CNIH3: variants seen among roughly 807,000 people sequenced by gnomAD.
The protein encoded by CNIH3 is protein cornichon homolog 3.
A neutral mutation model predicts 24.1 loss-of-function variants in CNIH3; 14 were observed. That is an observed-to-expected ratio of 0.58 (90% confidence interval 0.38 to 0.91). The LOEUF (loss-of-function observed/expected upper bound fraction) is 0.91. Ranked by LOEUF, CNIH3 falls within the 40% of genes least tolerant of loss-of-function variation. CNIH3 has a pLI of 0.00. For missense variants in CNIH3, 178 were observed against 196.8 expected (o/e 0.90, Z 0.57); for synonymous variants, 68 against 73.8 (o/e 0.92, Z 0.40).
At chr1:224,614,252 C>A (rs968095239), upstream of CNIH3, among the ~76,000 whole-genome samples, 3 of 152,210 alleles carry the variant, frequency 2.0e-5, no homozygotes, top group South Asian at 4.1e-4. Flanking sequence ...CTTGGCCCTC[C>A]AAAGTATGTA....
chr1:224,596,062 T>A (rs139373853), intron 3 of CNIH3, among the ~76,000 whole-genome samples: 5,548 of 152,278 alleles, frequency 0.036, 323 homozygotes, highest in African/African-American at 0.13. Flanking sequence ...TTGATGAAGG[T>A]GGCTACACTA....
chr1:224,441,621 A>G (rs142867314), intron 1 of CNIH3, among the ~76,000 whole-genome samples: 91 of 152,360 alleles, frequency 6.0e-4, no homozygotes, highest in African/African-American at 2.1e-3. Flanking sequence ...TTAACAACAA[A>G]TTCTAATTAT....
intron 3 of CNIH3, 101 bp from the exon 4 acceptor site, chr1:224,730,361 C>T (rs1450276965): frequency 2.6e-5 from 19 of 717,116 alleles, no homozygotes; most frequent in Non-Finnish European, 3.7e-5. Flanking sequence ...TTGTGTCAAC[C>T]GTCTGTGAGA....
intron 1 of CNIH3, among the ~76,000 whole-genome samples, chr1:224,440,164 G>A (rs1174963997): frequency 6.6e-6 from 1 of 152,200 alleles, no homozygotes; most frequent in Non-Finnish European, 1.5e-5. Context: ...CTCATGGTCC[G>A]CCTGCCTCGG....
At chr1:224,588,488 T>C (rs990913581) in exon 6 of CNIH3, 1 of 152,062 alleles carries the variant, frequency 6.6e-6, no homozygotes, top group Admixed American at 6.6e-5. Context: ...TTAAGATCTT[T>C]CCAAGCACAA....
At chr1:224,494,124 G>A (rs1438418313) in intron 1 of CNIH3, among the ~76,000 whole-genome samples, 2 of 152,202 alleles carry the variant, frequency 1.3e-5, no homozygotes. Context: ...ACAGATGTCA[G>A]GTCAAAAGCT....
chr1:224,541,884 T>C (rs1421873416), downstream of CNIH3, among the ~76,000 whole-genome samples: 3 of 152,358 alleles, frequency 2.0e-5, no homozygotes, highest in South Asian at 2.1e-4. Context: ...TCTCACTCTT[T>C]GTAAGCATCA....
intron 1 of CNIH3, among the ~76,000 whole-genome samples, chr1:224,650,024 A>G (rs781499899): frequency 6.6e-6 from 1 of 152,172 alleles, no homozygotes; most frequent in Non-Finnish European, 1.5e-5. Flanking sequence ...GCTTTCAGGG[A>G]TGGTAGGTGT....
chr1:224,494,170 G>A (rs1304263849), intron 1 of CNIH3, among the ~76,000 whole-genome samples: 2 of 152,218 alleles, frequency 1.3e-5, no homozygotes, highest in Non-Finnish European at 2.9e-5. Flanking sequence ...TATCAGCAGT[G>A]TTGGTATTTC....
At chr1:224,499,742 C>T (rs938229653) in intron 1 of CNIH3, among the ~76,000 whole-genome samples, 3 of 151,816 alleles carry the variant, frequency 2.0e-5, no homozygotes, top group Admixed American at 6.6e-5. Context: ...CAATACACGC[C>T]GTTATTTGCT....
Position 224,519,769 on chromosome 1 carries a change from T to A in CNIH3, n.16-1231T>A, listed in dbSNP as rs1254357236. 2.0e-5 allele frequency among the ~76,000 whole-genome samples: 3 copies of A among 151,646 alleles called. No homozygotes were observed. The East Asian group carries it at 5.8e-4, about 29-fold the overall frequency. ...TTATATATATTATTTAATATGTATC[T>A]CCTGTTGGTTCTGTTTCTTGGGAGA... On this transcript the variant is annotated intron_variant and non_coding_transcript_variant, in intron 1 of 2. Transcript: ENST00000470602.
At chr1:224,579,187 A>C (rs1207311037) in intron 4 of CNIH3, among the ~76,000 whole-genome samples, 1 of 151,522 alleles carries the variant, frequency 6.6e-6, no homozygotes, top group Non-Finnish European at 1.5e-5. Context: ...AATTTCTAAG[A>C]ACGCCATTTT....
rs1682492381 is a variant in CNIH3, at chr1:224,607,726, C to T, written n.402+41462C>T. ...CAGAACTGCTTTAGGGTAAAAGTCT[C>T]GGGGCCTACAAGGAGTTTCCTCCTG... On this transcript the variant is annotated intron_variant and non_coding_transcript_variant, in intron 3 of 7. Transcript: ENST00000478120. 2.0e-5 allele frequency among the ~76,000 whole-genome samples: 3 copies of T among 152,036 alleles called. No homozygotes were observed. The South Asian group carries it at 6.2e-4, about 32-fold the overall frequency.
At chr1:224,509,505 C>T (rs1335789344) in intron 1 of CNIH3, among the ~76,000 whole-genome samples, 1 of 152,188 alleles carries the variant, frequency 6.6e-6, no homozygotes, top group African/African-American at 2.4e-5. Context: ...CCAATCCATG[C>T]AGCCCCTTCT....
chr1:224,588,768 A>G (rs1366388887), downstream of CNIH3, among the ~76,000 whole-genome samples: 1 of 151,954 alleles, frequency 6.6e-6, no homozygotes. Flanking sequence ...GCACTAGGCA[A>G]CACTTACTTA....
At chr1:224,575,154 G>T (rs1680982754) in intron 4 of CNIH3, 1 of 1,007,488 alleles carries the variant, frequency 9.9e-7, no homozygotes, top group East Asian at 2.4e-5. Context: ...GGCGATCACA[G>T]CCAAACACAA....
At chr1:224,536,418 A>G (rs546397858) in intron 2 of CNIH3, among the ~76,000 whole-genome samples, 3 of 149,804 alleles carry the variant, frequency 2.0e-5, no homozygotes, top group South Asian at 4.2e-4. Context: ...CAGCCTCCTG[A>G]GTAGCTGGGA....
intron 3 of CNIH3, among the ~76,000 whole-genome samples, chr1:224,605,904 C>T (rs1682398607): frequency 6.6e-6 from 1 of 152,202 alleles, no homozygotes; most frequent in African/African-American, 2.4e-5. Flanking sequence ...GCTGGCCAGC[C>T]TTGTGTCAAT....
intron 2 of CNIH3, among the ~76,000 whole-genome samples, chr1:224,526,691 A>G (rs1351897380): frequency 6.6e-6 from 1 of 152,180 alleles, no homozygotes; most frequent in Non-Finnish European, 1.5e-5. Context: ...AGCAGCCTGT[A>G]TTCGGTCATT....
Sources: gnomAD v4.1 joint callset for allele counts (sites outside exome capture counted in the v4.1 genomes callset) on GRCh38, gnomAD v4.1.1 for gene constraint, MANE v1.5 for transcripts, NCBI Gene and HGNC (gene_info 2026-07-23, HGNC 2026-07-21) for gene names.